UTRN: variants seen among roughly 807,000 people sequenced by gnomAD.
UTRN encodes the protein utrophin.
In UTRN, 283 loss-of-function variants were observed where a neutral mutation model predicts 463.9. The ratio of observed to expected loss-of-function variants is 0.61; its 90% CI spans 0.55 to 0.67. UTRN has a LOEUF of 0.67. Among genes scored for constraint, UTRN ranks in the 30% least tolerant of loss-of-function variants. The pLI, the probability that UTRN is intolerant of heterozygous loss-of-function variation, is 0.00. For missense variants in UTRN, 3,922 were observed against 4,084.3 expected (o/e 0.96, Z 1.08); for synonymous variants, 1,442 against 1,431.5 (o/e 1.01, Z -0.17).
chr6:144,475,379 G>A (rs931885467), intron 25 of UTRN, among the ~76,000 whole-genome samples: 2 of 152,134 alleles, frequency 1.3e-5, no homozygotes, highest in African/African-American at 4.8e-5. Context: ...GAATGAACTT[G>A]GTCTGTTTAA....
At chr6:144,555,138 A>C (rs192461222) in intron 49 of UTRN, among the ~76,000 whole-genome samples, 1 of 152,328 alleles carries the variant, frequency 6.6e-6, no homozygotes, top group Admixed American at 6.5e-5. Context: ...CAAGTGAAAC[A>C]CACCCTCAAA....
At chr6:144,474,808 T>C in intron 25 of UTRN, 49 bp downstream of exon 25, 2 of 1,576,354 alleles carry the variant, frequency 1.3e-6, no homozygotes, top group Admixed American at 1.9e-5. Context: ...ATGTAGACTG[T>C]AGCTTCTCTC....
At chr6:144,728,474 C>CT (rs10719333) in intron 53 of UTRN, among the ~76,000 whole-genome samples, 70 of 145,786 alleles carry the variant, frequency 4.8e-4, no homozygotes, top group East Asian at 1.6e-3. Context: ...TGTATATAAT[C>CT]TTTTTTTTTT....
rs748885820 is a variant in UTRN at position 144,839,277 on chromosome 6, C to T, written c.10170C>T (p.His3390=). The change falls in exon 72 of 75, where the codon CAC becomes CAT. Residue 3390 remains histidine, a synonymous_variant. Transcript: ENST00000367545. ...CAGATGCCTCCGGCCCACAGTTCCA[C>T]CAGGCAGGTCGGTGTCCCCAGCACA... ...LDPDASGPQF[H]QAAGEDLLAP... is the part of the protein sequence containing the mutation. 4.3e-6 allele frequency: 7 copies of T among 1,613,324 alleles called. No individual in the cohort carries two copies. In the Admixed American group the frequency reaches 1.2e-4, roughly 27 times the overall value.
At position 144,440,277 on chromosome 6, in the gene UTRN, A is replaced by G. The variant is rs79472603; in HGVS notation, c.1393-75A>G. 3.9e-3 allele frequency: 5,841 copies of G among 1,505,582 alleles called. 202 individuals are homozygous for G. In the African/African-American group the frequency reaches 0.072, roughly 18 times the overall value. The allele number at this position is 1,505,582 out of a possible 1,614,324, so 93.3% of individuals were successfully genotyped here. A position where few individuals can be genotyped will look rare whatever the true frequency, so the allele number is the denominator to read the frequency against. On this transcript the variant is annotated intron_variant, in intron 12 of 74. Coordinates refer to ENST00000367545, the MANE Select transcript of UTRN (RefSeq NM_007124.3). ...GCCTCATTAACTGTCCTTAATTACT[A>G]TTGACAACTGAGTGCGTTTTAAATA...
At chr6:144,422,345 G>A (rs1311450884) in intron 4 of UTRN, among the ~76,000 whole-genome samples, 8 of 152,132 alleles carry the variant, frequency 5.3e-5, no homozygotes, top group South Asian at 2.1e-4. Context: ...GGCTGGGCGC[G>A]GTAGCTCACG....
chr6:144,496,650 T>C (rs561471497), intron 33 of UTRN, among the ~76,000 whole-genome samples: 1 of 152,342 alleles, frequency 6.6e-6, no homozygotes, highest in East Asian at 1.9e-4. Context: ...AGATATAAAT[T>C]ATCTCGTTGT....
chr6:144,288,607 TGTAC>T (rs1803905965), intron 1 of UTRN, among the ~76,000 whole-genome samples: 1 of 152,192 alleles, frequency 6.6e-6, no homozygotes, highest in Admixed American at 6.5e-5. Flanking sequence ...TTTATAGTTA[TGTAC>T]TTGAATGAAA....
At chr6:144,288,775 T>G (rs78883538) in intron 1 of UTRN, among the ~76,000 whole-genome samples, 1 of 149,980 alleles carries the variant, frequency 6.7e-6, no homozygotes, top group Non-Finnish European at 1.5e-5. Context: ...TTTTTTTTTT[T>G]TGAGATGGAG....
At chr6:144,579,497 A>G (rs1236041332) in intron 51 of UTRN, among the ~76,000 whole-genome samples, 4 of 152,218 alleles carry the variant, frequency 2.6e-5, no homozygotes, top group Non-Finnish European at 5.9e-5. Flanking sequence ...AGCAAAACAC[A>G]GGCCTATTCT....
At chr6:144,308,693 A>G (rs1472755732) in intron 2 of UTRN, among the ~76,000 whole-genome samples, 1 of 152,068 alleles carries the variant, frequency 6.6e-6, no homozygotes, top group African/African-American at 2.4e-5. Context: ...ACCCAAGGCC[A>G]CCCTAACCGT....
chr6:144,678,461 A>G lies in UTRN; in HGVS notation c.7535A>G (p.Asn2512Ser), dbSNP rs1476922743. ...GACATATTTAAAAGCATTGACGGAAACAGGCAGAAGATGGTAAAAGCTTTG... is the reference window on the plus strand; with the variant it reads ...GACATATTTAAAAGCATTGACGGAAGCAGGCAGAAGATGGTAAAAGCTTTG... ...HNDIFKSIDG[N>S]RQKMVKALGN... Residue 2512 changes from asparagine to serine, a missense_variant, in exon 52 of 75, where the codon AAC becomes AGC. Physicochemically the swap from Asn to Ser is conservative, Grantham distance 46. Around this residue, in one of 3 missense-constraint regions of UTRN, gnomAD observed 1,309 missense variants for 1,452.6 expected, o/e 0.90. Transcript: ENST00000367545. 4 of 1,613,486 alleles carry G rather than the reference A, an allele frequency of 2.5e-6. No individual in the cohort carries two copies. Among genetic ancestry groups the G allele is most frequent in the Non-Finnish European group, 2.5e-6 (3 of 1,179,648 alleles).
intron 53 of UTRN, among the ~76,000 whole-genome samples, chr6:144,700,892 C>A (rs1209267208): frequency 1.3e-5 from 2 of 150,994 alleles, no homozygotes; most frequent in Non-Finnish European, 2.9e-5. Context: ...TGCAACCACC[C>A]CCAGCTAATT....
At chr6:144,307,902 CAA>C (rs1188670474) in intron 2 of UTRN, among the ~76,000 whole-genome samples, 1 of 151,622 alleles carries the variant, frequency 6.6e-6, no homozygotes, top group Non-Finnish European at 1.5e-5. Flanking sequence ...TTTCTGACAT[CAA>C]AAGAAATTTC....
At chr6:144,341,958 T>G (rs998311823) in intron 2 of UTRN, among the ~76,000 whole-genome samples, 1 of 152,206 alleles carries the variant, frequency 6.6e-6, no homozygotes, top group African/African-American at 2.4e-5. Context: ...ATGGACACCT[T>G]CAGGACCTCA....
intron 44 of UTRN, among the ~76,000 whole-genome samples, chr6:144,538,720 G>A (rs6902639): frequency 0.021 from 3,101 of 151,266 alleles, 129 homozygotes; most frequent in African/African-American, 0.071. Context: ...ACATGTACAA[G>A]CATAAGTGTG....
intron 2 of UTRN, among the ~76,000 whole-genome samples, chr6:144,300,698 G>A (rs1257525452): frequency 6.6e-6 from 1 of 152,214 alleles, no homozygotes; most frequent in Non-Finnish European, 1.5e-5. Flanking sequence ...CAAAAAGGGA[G>A]CCACTGGAAA....
At chr6:144,806,840 A>G (rs1586652505) in intron 65 of UTRN, among the ~76,000 whole-genome samples, 1 of 102,292 alleles carries the variant, frequency 9.8e-6, no homozygotes, top group African/African-American at 3.4e-5. Flanking sequence ...CTATATTCTC[A>G]ATGTAGAAAA....
intron 51 of UTRN, among the ~76,000 whole-genome samples, 157 bp from the exon 52 acceptor site, chr6:144,678,249 G>T (rs188602470): frequency 1.3e-5 from 2 of 152,244 alleles, no homozygotes; most frequent in Non-Finnish European, 2.9e-5. Flanking sequence ...AAGATTTAAA[G>T]ACTATAATTT....
Sources: allele counts gnomAD v4.1 joint callset (sites outside exome capture counted in the v4.1 genomes callset), GRCh38; gene constraint gnomAD v4.1.1; regional missense constraint gnomAD v4.1.1; transcripts MANE v1.5; gene names NCBI Gene and HGNC (gene_info 2026-07-23, HGNC 2026-07-21).